Variants in GLB1L2 observed in about 807,000 individuals in gnomAD.
GLB1L2 encodes galactosidase beta 1 like 2, also known as beta-galactosidase-1-like protein 2.
GLB1L2 carries 68 observed loss-of-function variants against 84.1 expected under a neutral mutation model. The observed-to-expected ratio is 0.81, with a 90% confidence interval of 0.67 to 0.99. The LOEUF (loss-of-function observed/expected upper bound fraction) is 0.99, where lower values mean the gene tolerates loss of function less well. Among genes scored for constraint, GLB1L2 ranks in the 50% least tolerant of loss-of-function variants. The probability of loss-of-function intolerance (pLI) is 0.00; values close to 1 mark genes in which losing one functional copy is unlikely to be tolerated. For missense variants in GLB1L2, 762 were observed against 805.6 expected, an observed-to-expected ratio of 0.95 and a Z score of 0.66; for synonymous variants, 290 against 318.0, an observed-to-expected ratio of 0.91 and a Z score of 0.94.
In GLB1L2 at chr11:134,355,823, T is replaced by G. The variant is rs371611571; in HGVS notation, c.559-478T>G. On this transcript the variant is annotated intron_variant, in intron 5 of 18. Coordinates refer to ENST00000535456, the MANE Select transcript of GLB1L2 (RefSeq NM_001370461.1). ...GTCAGACAAGACAGAAACCAGTACG[T>G]TGGGCAGAACAAGTTAGAACATCGT... Among the ~76,000 whole-genome samples the G allele has an allele frequency of 9.2e-5, 14 of 152,346 alleles. No individual in the cohort carries two copies. The East Asian group carries it at 2.5e-3, about 27-fold the overall frequency.
At position 134,364,318 on chromosome 11, in the gene GLB1L2, C is replaced by T. The variant is rs1168255779; in HGVS notation, c.734-10C>T. 1 of 1,612,016 alleles carries T rather than the reference C, an allele frequency of 6.2e-7. No homozygotes were observed. Among genetic ancestry groups the T allele is most frequent in the East Asian group, 2.2e-5 (1 of 44,870 alleles). ...TGCTTTGTCTCTCTCTCTCCTCTTC[C>T]CTTTAACAGTCTTGGCCACCATCAA... is the stretch of plus-strand genomic sequence containing the variant. On this transcript the variant is annotated splice_polypyrimidine_tract_variant and intron_variant, in intron 7 of 18. Coordinates refer to ENST00000535456, the MANE Select transcript of GLB1L2 (RefSeq NM_001370461.1).
intron 6 of GLB1L2, 93 bp from the exon 7 acceptor site, chr11:134,358,967 C>T (rs1943743684): frequency 4.7e-6 from 4 of 844,574 alleles, no homozygotes; most frequent in South Asian, 1.9e-5. Context: ...ATCTCTCCTT[C>T]TAGCTCTTCA....
Position 134,370,409 on chromosome 11 carries a change from G to A in GLB1L2, c.1215+10G>A. 1 of 1,601,150 alleles carries A rather than the reference G, an allele frequency of 6.2e-7. No individual in the cohort carries two copies. The highest frequency in any genetic ancestry group is 8.6e-7 in the Non-Finnish European group (1 of 1,169,314). On this transcript the variant is annotated intron_variant, in intron 12 of 18. Transcript: ENST00000535456. This position sits in a 1 kb window ranked among gnomAD's most constrained non-coding sequence, Gnocchi z 4.7. ...CAAGTACCTGGGGGAGGTGAGTGCT[G>A]TGGGCAGTCATCGGGAGGTGAGTGA...
rs1303871855 is a variant in GLB1L2 at position 134,348,223 on chromosome 11, T to A, written c.558+790T>A. Among the ~76,000 whole-genome samples, 10 of 152,352 alleles carry A rather than the reference T, an allele frequency of 6.6e-5. No individual in the cohort carries two copies. The East Asian group carries it at 1.7e-3, about 26-fold the overall frequency. ...TGCTCAGTTATATTTGAGTTTCAGA[T>A]AAGCAAGGAATAATTTTTTAGTGTA... On this transcript the variant is annotated intron_variant, in intron 5 of 18. Transcript: ENST00000535456.
In GLB1L2 at chr11:134,345,003, T is replaced by C. The variant is rs374447577; in HGVS notation, c.354-31T>C. The C allele has an allele frequency of 2.5e-6, 4 of 1,604,216 alleles. No homozygotes were observed. The African/African-American group carries it at 5.3e-5, about 21-fold the overall frequency. On this transcript the variant is annotated intron_variant, in intron 3 of 18. Transcript: ENST00000535456. ...CACCCGGCCTCATCCTGGGCCGTCG[T>C]GGGAGGGGCTGACGATGTGGACCTC...
chr11:134,369,753 A>G, intron 10 of GLB1L2, 52 bp from the exon 11 acceptor site: 2 of 1,511,992 alleles, frequency 1.3e-6, no homozygotes, highest in East Asian at 2.3e-5. Context: ...TTCGTGCTAC[A>G]TGTGCTGTGC....
chr11:134,368,006 T>A (rs1161821046), intron 9 of GLB1L2, among the ~76,000 whole-genome samples: 1 of 152,192 alleles, frequency 6.6e-6, no homozygotes, highest in Non-Finnish European at 1.5e-5. Context: ...CGTGTAGATG[T>A]GCATGCTCGC....
At chr11:134,345,487 T>C (rs1943541296) in intron 4 of GLB1L2, among the ~76,000 whole-genome samples, 1 of 152,250 alleles carries the variant, frequency 6.6e-6, no homozygotes, top group Non-Finnish European at 1.5e-5. Context: ...TTTCTTTTTT[T>C]TGAGACAGAG....
intron 1 of GLB1L2, 126 bp from the exon 2 acceptor site, chr11:134,342,628 C>A (rs1943483341): frequency 2.1e-6 from 2 of 955,524 alleles, no homozygotes; most frequent in Admixed American, 2.6e-5. Flanking sequence ...CGGAGGGGAG[C>A]TTTTCCCAGC....
Position 134,373,675 on chromosome 11 carries a change from G to A in GLB1L2, c.1508-46G>A, listed in dbSNP as rs199823373. 998 of 1,327,446 alleles carry A rather than the reference G, an allele frequency of 7.5e-4. 9 individuals are homozygous for A. The South Asian group carries it at 0.011, about 14-fold the overall frequency. The allele number at this position is 1,327,446 out of a possible 1,614,324, so 82.2% of individuals were successfully genotyped here. On this transcript the variant is annotated intron_variant, in intron 15 of 18. Coordinates refer to ENST00000535456, the MANE Select transcript of GLB1L2 (RefSeq NM_001370461.1). Reference sequence around the variant, plus strand: ...CTCGTGGCCCCGGCCCAGCTGACTCGGCCCCTGCCTTTGGGCTACCCACGT... The same window carrying A: ...CTCGTGGCCCCGGCCCAGCTGACTCAGCCCCTGCCTTTGGGCTACCCACGT...
At chr11:134,350,534 C>G (rs973468412) in intron 5 of GLB1L2, among the ~76,000 whole-genome samples, 1 of 152,192 alleles carries the variant, frequency 6.6e-6, no homozygotes, top group Non-Finnish European at 1.5e-5. Context: ...AAGGCTGTCT[C>G]TCTTGCCTGC....
chr11:134,332,601 C>T (rs1943318716), intron 1 of GLB1L2, among the ~76,000 whole-genome samples: 2 of 152,164 alleles, frequency 1.3e-5, no homozygotes, highest in African/African-American at 4.8e-5. Flanking sequence ...GGCGCTTCAG[C>T]CTGGCAGGTA....
chr11:134,332,736 C>T (rs1943321588), intron 1 of GLB1L2, among the ~76,000 whole-genome samples: 1 of 152,184 alleles, frequency 6.6e-6, no homozygotes. Context: ...CCACCATTCA[C>T]CTGTTACCAG....
intron 1 of GLB1L2, among the ~76,000 whole-genome samples, chr11:134,341,121 A>T (rs1338054319): frequency 6.6e-6 from 1 of 152,232 alleles, no homozygotes; most frequent in Non-Finnish European, 1.5e-5. Flanking sequence ...GGGACATAAA[A>T]CCCACTTGTG....
rs745662151 is a variant in GLB1L2 at position 134,347,325 on chromosome 11, C to A, written c.450C>A (p.Ser150Arg). The stretch of plus-strand genomic sequence containing the variant: ...TCCTTTCCCCCGTTTACACTTCAAG[C>A]TGGCTACTCCAAGACCCTGGCATGA... Reference protein sequence around the residue: ...CSEMDLGGLPSWLLQDPGMRL... With the variant: ...CSEMDLGGLPRWLLQDPGMRL... The change falls in exon 5 of 19, where the codon AGC becomes AGA. Residue 150 changes from serine to arginine, a missense_variant and splice_region_variant. Around this residue, in one of 3 missense-constraint regions of GLB1L2, gnomAD observed 603 missense variants for 611.7 expected, o/e 0.99. Transcript: ENST00000535456. 8 of 1,611,726 alleles carry A rather than the reference C, an allele frequency of 5.0e-6. No individual in the cohort carries two copies. Among genetic ancestry groups the A allele is most frequent in the African/African-American group, 1.3e-5 (1 of 74,902 alleles).
At chr11:134,369,977 G>A (rs1291229312) in intron 11 of GLB1L2, 92 bp downstream of exon 11, 4 of 1,035,094 alleles carry the variant, frequency 3.9e-6, no homozygotes, top group Admixed American at 1.9e-5. Context: ...GTCCCACCTC[G>A]ACCCCAGTTG....
rs1367925407 is a variant in GLB1L2 at position 134,371,808 on chromosome 11, G to C, written c.1485G>C (p.Glu495Asp). The change falls in exon 15 of 19, where the codon GAG becomes GAC. Residue 495 changes from glutamate to aspartate, a missense_variant. By Grantham distance (45) the Glu-to-Asp change is conservative. Around this residue, in one of 3 missense-constraint regions of GLB1L2, gnomAD observed 603 missense variants for 611.7 expected, o/e 0.99. Transcript: ENST00000535456. ...ATCGTGGGCGAGTCAACTATGGGGA[G>C]AATATTGATGACCAGCGCAAAGGTG... ...VENRGRVNYG[E>D]NIDDQRKGLI... 6.2e-7 allele frequency: 1 copy of C among 1,614,174 alleles called. No homozygotes were observed.
rs1432765639 is a variant in GLB1L2, at chr11:134,374,206, G to A, written c.1657G>A (p.Gly553Ser). 1 of 1,614,134 alleles carries A rather than the reference G, an allele frequency of 6.2e-7. No individual in the cohort carries two copies. The highest frequency in any genetic ancestry group is 1.7e-5 in the Admixed American group (1 of 60,020). ...ACCCACATTACCTGCTTTCTTCTTG[G>A]GTAGCTTGTCCATCAGCTCCACCCC... ...ETPTLPAFFL[G>S]SLSISSTPCD... Residue 553 changes from glycine (G) to serine (S), a missense_variant, in exon 17 of 19, where the codon GGT becomes AGT. This residue lies in a region of GLB1L2 where 603 missense variants were observed against 611.7 expected (regional missense o/e 0.99). Transcript: ENST00000535456.
At chr11:134,360,693 G>T (rs1943772980) in intron 7 of GLB1L2, 2 of 151,486 alleles carry the variant, frequency 1.3e-5, no homozygotes, top group Non-Finnish European at 2.9e-5. Context: ...AAATTAAATG[G>T]TCTAAAAGTG....
Sources: allele counts gnomAD v4.1 joint callset (sites outside exome capture counted in the v4.1 genomes callset), GRCh38; gene constraint gnomAD v4.1.1; regional missense constraint gnomAD v4.1.1; non-coding constraint Gnocchi (gnomAD v3.1); transcripts MANE v1.5; gene names NCBI Gene and HGNC (gene_info 2026-07-23, HGNC 2026-07-21).